Variants in EML1 observed in about 807,000 individuals in gnomAD.
The protein encoded by EML1 is EMAP like 1.
EML1 carries 27 observed loss-of-function variants against 110.4 expected under a neutral mutation model. The observed-to-expected ratio is 0.24, with a 90% CI of 0.18 to 0.34. The LOEUF is 0.34. Ranked by LOEUF, EML1 falls within the 10% of genes least tolerant of loss-of-function variation. EML1 has a pLI of 1.00. For synonymous variants in EML1, 344 were observed against 385.8 expected, an observed-to-expected ratio of 0.89 and a Z score of 1.27; for missense variants, 741 against 1,030.9, an observed-to-expected ratio of 0.72 and a Z score of 3.85.
At chr14:99,864,521 A>T (rs545532359) in intron 2 of EML1, among the ~76,000 whole-genome samples, 10 of 152,238 alleles carry the variant, frequency 6.6e-5, no homozygotes, top group Admixed American at 3.9e-4. Flanking sequence ...CTTTGTTGAA[A>T]AGATGATCTT....
chr14:99,927,713 A>T (rs2060259931), intron 17 of EML1, among the ~76,000 whole-genome samples: 1 of 137,392 alleles, frequency 7.3e-6, no homozygotes, highest in South Asian at 2.3e-4. Context: ...AGTTTCTGAG[A>T]TAATACATTT....
At chr14:99,871,736 T>A (rs2059208545) in intron 3 of EML1, among the ~76,000 whole-genome samples, 2 of 152,200 alleles carry the variant, frequency 1.3e-5, no homozygotes, top group South Asian at 4.1e-4. Context: ...GATCTCCTGA[T>A]AAAACTTTAA....
At chr14:99,737,897 G>C in intron 1 of EML1, 1 of 1,286,378 alleles carries the variant, frequency 7.8e-7, no homozygotes, top group Non-Finnish European at 1.0e-6. Context: ...CTGTGGCTCC[G>C]GTTGCAGAGC....
intron 3 of EML1, among the ~76,000 whole-genome samples, chr14:99,876,954 C>T (rs965194469): frequency 2.0e-5 from 3 of 152,128 alleles, no homozygotes; most frequent in East Asian, 1.9e-4. Flanking sequence ...TCAAGAAATG[C>T]GTGGACTAAT....
At chr14:99,828,121 A>T (rs1447382784) in intron 1 of EML1, among the ~76,000 whole-genome samples, 1 of 152,184 alleles carries the variant, frequency 6.6e-6, no homozygotes, top group African/African-American at 2.4e-5. Flanking sequence ...AAAATTACAG[A>T]TGCTTGTTAG....
rs1416288836 is a variant in EML1 at position 99,894,677 on chromosome 14, A to G, written c.596A>G (p.Tyr199Cys). The change falls in exon 6 of 22, where the codon TAC (tyrosine) becomes TGC (cysteine). Residue 199 changes from tyrosine to cysteine, a missense_variant. This residue lies in a region of EML1 where 226 missense variants were observed against 255.6 expected (regional missense o/e 0.88). Coordinates refer to ENST00000262233, the MANE Select transcript of EML1 (RefSeq NM_004434.3). ...CTTCGTGGACGCCCTGTTACCATGT[A>G]CATGCCCAAAGATCAAGTGGATTCT... Reference protein sequence around the residue: ...MFLRGRPVTMYMPKDQVDSYS... With the variant: ...MFLRGRPVTMCMPKDQVDSYS... The G allele has an allele frequency of 6.2e-7, 1 of 1,613,900 alleles. No individual in the cohort carries two copies. The highest frequency in any genetic ancestry group is 1.7e-5 in the Admixed American group (1 of 59,998).
At chr14:99,762,458 T>C (rs1270989621) in intron 1 of EML1, among the ~76,000 whole-genome samples, 1 of 152,182 alleles carries the variant, frequency 6.6e-6, no homozygotes, top group African/African-American at 2.4e-5. Context: ...GATTAGCTTT[T>C]GCTTGCTTGT....
chr14:99,770,816 G>A (rs1054789687), upstream of EML1, among the ~76,000 whole-genome samples: 6 of 86,870 alleles, frequency 6.9e-5, no homozygotes, highest in South Asian at 2.5e-3. Context: ...ACGGAGTCTC[G>A]CTCTGTTGTC....
At chr14:99,934,479 G>A (rs1444332309) in intron 17 of EML1, among the ~76,000 whole-genome samples, 1 of 152,240 alleles carries the variant, frequency 6.6e-6, no homozygotes, top group Admixed American at 6.5e-5. Flanking sequence ...GGTCCTGCAG[G>A]ATTCCTGCCT....
At chr14:99,746,146 G>C (rs1388254695) in intron 1 of EML1, among the ~76,000 whole-genome samples, 1 of 152,196 alleles carries the variant, frequency 6.6e-6, no homozygotes, top group Non-Finnish European at 1.5e-5. Context: ...TTATAGACGA[G>C]CAAATGGAGA....
chr14:99,798,876 T>C (rs908655849), intron 1 of EML1, among the ~76,000 whole-genome samples: 2 of 152,198 alleles, frequency 1.3e-5, no homozygotes, highest in African/African-American at 4.8e-5. Context: ...CAGAGCCCTA[T>C]CAGATTACAA....
intron 11 of EML1, among the ~76,000 whole-genome samples, chr14:99,909,766 C>G (rs947914020): frequency 1.3e-5 from 2 of 152,170 alleles, no homozygotes; most frequent in Admixed American, 6.5e-5. Context: ...GGCAGGCAAC[C>G]TGCCTTTGCA....
chr14:99,744,661 A>C (rs2057084021), intron 1 of EML1, among the ~76,000 whole-genome samples: 1 of 152,232 alleles, frequency 6.6e-6, no homozygotes, highest in African/African-American at 2.4e-5. Context: ...CCAATATGCA[A>C]ATCATAACGC....
chr14:99,903,215 A>C (rs1368797195), intron 9 of EML1, among the ~76,000 whole-genome samples: 2 of 152,350 alleles, frequency 1.3e-5, no homozygotes, highest in Non-Finnish European at 2.9e-5. Context: ...GCAACATTTT[A>C]AGCAAAGTCA....
intron 1 of EML1, among the ~76,000 whole-genome samples, chr14:99,819,076 A>G (rs1227593650): frequency 6.6e-6 from 1 of 152,048 alleles, no homozygotes; most frequent in East Asian, 1.9e-4. Context: ...CAGCCTCCTG[A>G]GTGGCTGGGA....
upstream of EML1, among the ~76,000 whole-genome samples, chr14:99,770,539 A>G (rs1260464002): frequency 6.6e-6 from 1 of 152,078 alleles, no homozygotes; most frequent in Non-Finnish European, 1.5e-5. Flanking sequence ...TTTCATTAGC[A>G]TTTCAACACA....
chr14:99,826,214 G>A (rs2058352356), intron 1 of EML1, among the ~76,000 whole-genome samples: 1 of 146,102 alleles, frequency 6.8e-6, no homozygotes. Context: ...CCAGGTTCAA[G>A]CAATTCTCCT....
chr14:99,776,815 TAAG>T (rs1293528716), intron 1 of EML1, among the ~76,000 whole-genome samples: 1 of 152,220 alleles, frequency 6.6e-6, no homozygotes. Flanking sequence ...GTGGCCAGTA[TAAG>T]AAGACATAGA....
rs773781960 is a variant in EML1 at position 99,878,478 on chromosome 14, C to T, written c.384-7C>T. On this transcript the variant is annotated splice_polypyrimidine_tract_variant and splice_region_variant and intron_variant, in intron 3 of 21. Coordinates refer to ENST00000262233, the MANE Select transcript of EML1 (RefSeq NM_004434.3). ...GGAGTTCACTGTCACTTCCATTCCA[C>T]CCTTAGTAACATCAAGAGGACCAGC... 3 of 1,608,624 alleles carry T rather than the reference C, an allele frequency of 1.9e-6. No homozygotes were observed. In the Admixed American group the frequency reaches 5.1e-5, roughly 27 times the overall value.
Sources: allele counts gnomAD v4.1 joint callset (sites outside exome capture counted in the v4.1 genomes callset), GRCh38; gene constraint gnomAD v4.1.1; regional missense constraint gnomAD v4.1.1; transcripts MANE v1.5; gene names NCBI Gene and HGNC (gene_info 2026-07-23, HGNC 2026-07-21).